Variants in JAZF1 observed in about 807,000 individuals in gnomAD.
The protein encoded by JAZF1 is JAZF zinc finger 1, also known as juxtaposed with another zinc finger protein 1.
A neutral mutation model predicts 26.4 loss-of-function variants in JAZF1; 8 were observed. The ratio of observed to expected loss-of-function variants is 0.30; its 90% CI spans 0.18 to 0.55. The LOEUF (loss-of-function observed/expected upper bound fraction) is 0.55. JAZF1 is among the 20% of genes least tolerant of loss of function. JAZF1 has a pLI of 0.94. For synonymous variants in JAZF1, 126 were observed against 122.3 expected (o/e 1.03, Z -0.20); for missense variants, 199 against 322.0 (o/e 0.62, Z 2.92).
At chr7:28,147,698 G>C (rs1783049346) in intron 1 of JAZF1, among the ~76,000 whole-genome samples, 1 of 144,762 alleles carries the variant, frequency 6.9e-6, no homozygotes, top group Non-Finnish European at 1.5e-5. Context: ...AAAAAAAAAA[G>C]TATATATACA....
chr7:28,050,444 AC>A (rs1783593116), intron 1 of JAZF1, among the ~76,000 whole-genome samples: 1 of 151,920 alleles, frequency 6.6e-6, no homozygotes, highest in African/African-American at 2.4e-5. Context: ...TGAATAGAAA[AC>A]CCCTGAATTG....
At chr7:28,089,362 T>C (rs1000433784) in intron 1 of JAZF1, among the ~76,000 whole-genome samples, 4 of 152,214 alleles carry the variant, frequency 2.6e-5, no homozygotes, top group Non-Finnish European at 4.4e-5. Context: ...GACCCAATTA[T>C]GCTAGCACCT....
intron 2 of JAZF1, among the ~76,000 whole-genome samples, chr7:27,967,795 CTG>C (rs1170647321): frequency 5.3e-5 from 8 of 152,164 alleles, no homozygotes; most frequent in African/African-American, 1.9e-4. Flanking sequence ...ATGACTAAAA[CTG>C]AAATTACTGA....
intron 1 of JAZF1, among the ~76,000 whole-genome samples, chr7:28,155,495 G>A (rs1002676690): frequency 2.6e-5 from 4 of 152,172 alleles, no homozygotes; most frequent in African/African-American, 7.2e-5. Context: ...CCCCTATAAA[G>A]TGTGTTTTAG....
intron 1 of JAZF1, among the ~76,000 whole-genome samples, chr7:28,043,507 G>A (rs1783440636): frequency 6.6e-6 from 1 of 152,056 alleles, no homozygotes; most frequent in Non-Finnish European, 1.5e-5. Flanking sequence ...TACATGAGTT[G>A]GTGTTTGTTT....
At chr7:28,082,019 C>T (rs1784144962) in intron 1 of JAZF1, among the ~76,000 whole-genome samples, 1 of 152,102 alleles carries the variant, frequency 6.6e-6, no homozygotes, top group Non-Finnish European at 1.5e-5. Flanking sequence ...TTACTTTCAA[C>T]CTAAAAATGC....
intron 1 of JAZF1, among the ~76,000 whole-genome samples, chr7:28,070,777 C>A (rs1429626526): frequency 1.3e-5 from 2 of 152,240 alleles, no homozygotes; most frequent in African/African-American, 4.8e-5. Flanking sequence ...TCATGACATT[C>A]ATCAACAAAG....
intron 2 of JAZF1, among the ~76,000 whole-genome samples, chr7:27,898,366 G>A (rs943832786): frequency 7.0e-6 from 1 of 142,950 alleles, no homozygotes; most frequent in African/African-American, 2.6e-5. Flanking sequence ...AGGCTGGAGT[G>A]CAGTGGCACG....
chr7:27,932,316 C>T (rs1194594606), intron 2 of JAZF1, among the ~76,000 whole-genome samples: 1 of 152,156 alleles, frequency 6.6e-6, no homozygotes, highest in Admixed American at 6.6e-5. Context: ...AATGAGAATG[C>T]TGTTTGAAGT....
intron 1 of JAZF1, among the ~76,000 whole-genome samples, chr7:28,132,368 A>G (rs1408606334): frequency 6.6e-6 from 1 of 152,188 alleles, no homozygotes; most frequent in African/African-American, 2.4e-5. Context: ...GGGAGCAAAG[A>G]CTGTTTTACT....
chr7:28,002,297 A>T (rs1782612916), intron 1 of JAZF1, among the ~76,000 whole-genome samples: 1 of 152,236 alleles, frequency 6.6e-6, no homozygotes, highest in South Asian at 2.1e-4. Context: ...CTGAATGGTA[A>T]ATTTCCCAAA....
At chr7:27,961,870 A>G (rs1426101942) in intron 2 of JAZF1, among the ~76,000 whole-genome samples, 1 of 152,194 alleles carries the variant, frequency 6.6e-6, no homozygotes, top group African/African-American at 2.4e-5. Flanking sequence ...GGATCTTTCC[A>G]TCATGGGTAT....
intron 1 of JAZF1, among the ~76,000 whole-genome samples, chr7:28,100,267 A>G (rs1784453012): frequency 6.6e-6 from 1 of 152,236 alleles, no homozygotes; most frequent in African/African-American, 2.4e-5. Flanking sequence ...ACATAAGAGC[A>G]TTTCTATAAA....
intron 2 of JAZF1, among the ~76,000 whole-genome samples, chr7:27,955,419 G>A (rs148451591): frequency 1.4e-4 from 22 of 152,238 alleles, no homozygotes; most frequent in East Asian, 7.7e-4. Flanking sequence ...AACACTTACC[G>A]TACTGAAGGA....
intron 2 of JAZF1, among the ~76,000 whole-genome samples, chr7:27,897,208 C>T (rs765543676): frequency 1.3e-4 from 19 of 151,920 alleles, no homozygotes; most frequent in African/African-American, 4.4e-4. Flanking sequence ...CCAGGAAGGC[C>T]GATTGTTCTC....
chr7:28,165,049 G>C (rs1182038879), intron 1 of JAZF1, among the ~76,000 whole-genome samples: 1 of 152,058 alleles, frequency 6.6e-6, no homozygotes. Context: ...CGCACCTGTA[G>C]TCCCAGATAC....
At chr7:27,877,533 G>T (rs1411074732) in intron 3 of JAZF1, among the ~76,000 whole-genome samples, 3 of 152,146 alleles carry the variant, frequency 2.0e-5, no homozygotes, top group Admixed American at 2.0e-4. Flanking sequence ...ATATGGGGAA[G>T]AAATAACTTT....
At chr7:28,178,244 C>T (rs1210333910) in intron 1 of JAZF1, among the ~76,000 whole-genome samples, 1 of 151,922 alleles carries the variant, frequency 6.6e-6, no homozygotes, top group Non-Finnish European at 1.5e-5. Context: ...AATATTAAGA[C>T]AATTTCTACA....
intron 1 of JAZF1, among the ~76,000 whole-genome samples, chr7:28,003,745 A>G (rs1444342912): frequency 6.6e-6 from 1 of 152,080 alleles, no homozygotes; most frequent in Non-Finnish European, 1.5e-5. Flanking sequence ...GACATCATGC[A>G]TCACATTTAC....
Sources: gnomAD v4.1 joint callset for allele counts (sites outside exome capture counted in the v4.1 genomes callset) on GRCh38, gnomAD v4.1.1 for gene constraint, MANE v1.5 for transcripts, NCBI Gene and HGNC (gene_info 2026-07-23, HGNC 2026-07-21) for gene names.